ST7L: variants seen among roughly 807,000 people sequenced by gnomAD.
ST7L encodes suppressor of tumorigenicity 7 protein-like.
Under a neutral mutation model 72.5 loss-of-function variants are expected in ST7L, and 57 were observed. That is an observed-to-expected ratio of 0.79 (90% CI 0.64 to 0.98). The LOEUF (loss-of-function observed/expected upper bound fraction) is 0.98, where lower values mean the gene tolerates loss of function less well. Ranked by LOEUF, ST7L falls within the 50% of genes least tolerant of loss-of-function variation. The probability of loss-of-function intolerance (pLI) is 0.00; values close to 1 mark genes in which losing one functional copy is unlikely to be tolerated. For missense variants in ST7L, 576 were observed against 672.2 expected, an observed-to-expected ratio of 0.86 and a Z score of 1.58; for synonymous variants, 221 against 240.9, an observed-to-expected ratio of 0.92 and a Z score of 0.77.
intron 11 of ST7L, among the ~76,000 whole-genome samples, chr1:112,575,043 A>C (rs560249452): frequency 1.3e-5 from 2 of 152,006 alleles, no homozygotes; most frequent in South Asian, 4.2e-4. Flanking sequence ...TCGAGACCAT[A>C]CTAGCTAACA....
chr1:112,617,941 C>T, intron 1 of ST7L: 1 of 1,262,464 alleles, frequency 7.9e-7, no homozygotes, highest in Non-Finnish European at 1.0e-6. Context: ...TTTTAGAGTG[C>T]TAGTTATATT....
intron 12 of ST7L, 42 bp downstream of exon 12, chr1:112,555,826 T>G (rs775892444): frequency 7.0e-7 from 1 of 1,433,210 alleles, no homozygotes; most frequent in Admixed American, 2.4e-5. Flanking sequence ...ATTCAATGAA[T>G]AGTTAGAGAG....
At chr1:112,598,158 T>A in intron 4 of ST7L, 72 bp from the exon 5 acceptor site, 1 of 1,062,772 alleles carries the variant, frequency 9.4e-7, no homozygotes, top group Non-Finnish European at 1.4e-6. Flanking sequence ...AGACACTACT[T>A]AAATTCAAAA....
chr1:112,619,106 T>C lies in ST7L; in HGVS notation c.8A>G (p.Asp3Gly). The C allele has an allele frequency of 6.2e-7, 1 of 1,613,048 alleles. No homozygotes were observed. The change falls in exon 1 of 15, where the codon GAC becomes GGC. Residue 3 changes from aspartate (D) to glycine (G), a missense_variant. By Grantham distance (94) the Asp-to-Gly change is moderately conservative. This residue lies in a region of ST7L where 56 missense variants were observed against 45.8 expected (regional missense o/e 1.22). Transcript: ENST00000358039. ...TGCGGCTTCACCCACGCCGCCACGG[T>C]CCGCCATCTTGCCGCTATCGCAGGC... is the stretch of plus-strand genomic sequence containing the variant. MA[D>G]RGGVGEAAAV...
chr1:112,534,354 TTG>T (rs1269102859), intron 14 of ST7L, among the ~76,000 whole-genome samples: 3 of 152,218 alleles, frequency 2.0e-5, no homozygotes, highest in Admixed American at 6.5e-5. Context: ...ATCTTATCAA[TTG>T]TGTAATTTTA....
chr1:112,518,151 G>C, the ST7L span: 3 of 152,238 alleles, frequency 2.0e-5, no homozygotes, highest in African/African-American at 7.2e-5. Context: ...CAGTCTGTTC[G>C]AGGTATTTGT....
chr1:112,584,011 G>T lies in ST7L; in HGVS notation c.817C>A (p.Gln273Lys). 1 of 1,614,102 alleles carries T rather than the reference G, an allele frequency of 6.2e-7. No individual in the cohort carries two copies. Among genetic ancestry groups the T allele is most frequent in the Non-Finnish European group, 8.5e-7 (1 of 1,180,006 alleles). The change falls in exon 7 of 15, where the codon CAG (glutamine) becomes AAG (lysine). Residue 273 changes from glutamine (Q) to lysine (K), a missense_variant. Around this residue, in one of 3 missense-constraint regions of ST7L, gnomAD observed 511 missense variants for 600.7 expected, o/e 0.85. Transcript: ENST00000358039. ...AGETIYRQSQ[Q>K]CQHQSPQHEA... ...TGCTGAGGACTTTGGTGCTGGCACT[G>T]CTGTGACTGCCTATAAATTGTTTCT...
intron 3 of ST7L, among the ~76,000 whole-genome samples, chr1:112,604,362 C>T (rs2102074932): frequency 6.6e-6 from 1 of 152,062 alleles, no homozygotes; most frequent in East Asian, 1.9e-4. Context: ...TAACTCATTC[C>T]AGCATCAATT....
At chr1:112,553,114 A>G (rs1475207155) in intron 12 of ST7L, among the ~76,000 whole-genome samples, 1 of 152,168 alleles carries the variant, frequency 6.6e-6, no homozygotes, top group Non-Finnish European at 1.5e-5. Flanking sequence ...AAAACAAAAA[A>G]CAATATCTGC....
intron 4 of ST7L, among the ~76,000 whole-genome samples, chr1:112,599,398 C>T (rs1667060076): frequency 6.6e-6 from 1 of 151,986 alleles, no homozygotes; most frequent in African/African-American, 2.4e-5. Flanking sequence ...CATCATTTTG[C>T]ACAGTGCCTG....
chr1:112,566,294 C>CTTTTTTTTTTTTTTTTTTTTTT lies in ST7L; in HGVS notation c.1246-10277_1246-10276insAAAAAAAAAAAAAAAAAAAAAA, dbSNP rs33915951. ...TTTTCTTTTATTTCTTTTTCTTCTT[C>CTTTTTTTTTTTTTTTTTTTTTT]TTCTTTTTTTTTTTTTTTTTTGAGA... On this transcript the variant is annotated intron_variant, in intron 11 of 14. Transcript: ENST00000358039. 6.4e-5 allele frequency among the ~76,000 whole-genome samples: 7 copies of CTTTTTTTTTTTTTTTTTTTTTT among 108,976 alleles called. 1 individual carries two copies. Among genetic ancestry groups the CTTTTTTTTTTTTTTTTTTTTTT allele is most frequent in the East Asian group, 2.9e-4 (1 of 3,418 alleles). The allele number at this position is 108,976 out of a possible 152,430, so 71.5% of individuals were successfully genotyped here.
intron 2 of ST7L, among the ~76,000 whole-genome samples, chr1:112,613,757 C>A (rs892433627): frequency 3.9e-5 from 6 of 151,946 alleles, no homozygotes; most frequent in Non-Finnish European, 8.8e-5. Flanking sequence ...GAGACAAGGT[C>A]CACTCTGTTG....
At chr1:112,552,338 G>C (rs1658350340) in intron 12 of ST7L, among the ~76,000 whole-genome samples, 1 of 152,052 alleles carries the variant, frequency 6.6e-6, no homozygotes, top group South Asian at 2.1e-4. Context: ...CATCAAAATT[G>C]CGATAAGGTT....
intron 11 of ST7L, 96 bp from the exon 12 acceptor site, chr1:112,556,114 G>A: frequency 2.1e-6 from 2 of 975,326 alleles, no homozygotes; most frequent in Non-Finnish European, 2.7e-6. Context: ...TAGATTCAAA[G>A]TGTTAGAAAG....
chr1:112,559,772 A>C (rs905749163), intron 11 of ST7L, among the ~76,000 whole-genome samples: 1 of 151,792 alleles, frequency 6.6e-6, no homozygotes, highest in South Asian at 2.1e-4. Context: ...CGAGGTCAGG[A>C]GTTCAAGACC....
chr1:112,530,755 C>T (rs1462397286), intron 14 of ST7L, among the ~76,000 whole-genome samples: 1 of 152,104 alleles, frequency 6.6e-6, no homozygotes, highest in Admixed American at 6.6e-5. Flanking sequence ...AGTCATATCC[C>T]CAGTGATCCA....
intron 7 of ST7L, among the ~76,000 whole-genome samples, chr1:112,583,310 G>A (rs966480643): frequency 1.3e-5 from 2 of 151,958 alleles, no homozygotes; most frequent in African/African-American, 2.4e-5. Flanking sequence ...AAACCCTCTG[G>A]CCATAAAAAT....
Position 112,582,334 on chromosome 1 carries a change from T to C in ST7L, c.954+41A>G, listed in dbSNP as rs533505523. 122 of 1,429,620 alleles carry C rather than the reference T, an allele frequency of 8.5e-5. No homozygotes were observed. The South Asian group carries it at 1.3e-3, about 15-fold the overall frequency. The allele number at this position is 1,429,620 out of a possible 1,614,324, so 88.6% of individuals were successfully genotyped here. ...GCAACTTAACTAAATTTTTAGTTTC[T>C]GGAGGAATAAATGTAATAGTCCCAT... On this transcript the variant is annotated intron_variant, in intron 8 of 14. Transcript: ENST00000358039.
At chr1:112,543,157 G>A (rs891030875) in intron 13 of ST7L, among the ~76,000 whole-genome samples, 1 of 152,140 alleles carries the variant, frequency 6.6e-6, no homozygotes, top group Admixed American at 6.5e-5. Context: ...GGAGAAAGAG[G>A]CAGACATGTC....
Sources: gnomAD v4.1 joint callset for allele counts (sites outside exome capture counted in the v4.1 genomes callset) on GRCh38, gnomAD v4.1.1 for gene constraint, gnomAD v4.1.1 regional missense constraint, MANE v1.5 for transcripts, NCBI Gene and HGNC (gene_info 2026-07-23, HGNC 2026-07-21) for gene names.